The following ASTN2 variants were observed in gnomAD, a reference collection of about 807,000 sequenced individuals.
ASTN2 encodes the protein astrotactin-2.
In ASTN2, 54 loss-of-function variants were observed where a neutral mutation model predicts 139.8. The observed-to-expected ratio is 0.39, with a 90% CI of 0.31 to 0.48. The LOEUF (loss-of-function observed/expected upper bound fraction) is 0.48, where lower values mean the gene tolerates loss of function less well. ASTN2 is among the 20% of genes least tolerant of loss of function. ASTN2 has a pLI of 0.95. For synonymous variants in ASTN2, 756 were observed against 719.5 expected (o/e 1.05, Z -0.81); for missense variants, 1,565 against 1,725.1 (o/e 0.91, Z 1.64).
chr9:116,620,691 T>C (rs1201725716), intron 17 of ASTN2, among the ~76,000 whole-genome samples: 3 of 152,194 alleles, frequency 2.0e-5, no homozygotes, highest in Admixed American at 2.0e-4. Flanking sequence ...TAGTGTCCCC[T>C]AGGCTTGGCA....
intron 13 of ASTN2, among the ~76,000 whole-genome samples, chr9:116,797,090 G>C (rs976386251): frequency 3.3e-5 from 5 of 152,006 alleles, no homozygotes; most frequent in Admixed American, 1.3e-4. Context: ...CAAAATGCTG[G>C]GTGTTAAATG....
At chr9:116,743,834 A>T (rs1248757435) in intron 13 of ASTN2, among the ~76,000 whole-genome samples, 2 of 152,124 alleles carry the variant, frequency 1.3e-5, no homozygotes, top group Non-Finnish European at 2.9e-5. Context: ...TGGAATGAAA[A>T]CTTGAGAGAA....
At chr9:117,113,958 C>T (rs1011923820) in intron 4 of ASTN2, among the ~76,000 whole-genome samples, 7 of 152,028 alleles carry the variant, frequency 4.6e-5, no homozygotes, top group Admixed American at 6.6e-5. Flanking sequence ...CATTGAATTG[C>T]ATACTCTAAA....
At chr9:116,770,436 T>C (rs1364131430) in intron 13 of ASTN2, among the ~76,000 whole-genome samples, 1 of 152,160 alleles carries the variant, frequency 6.6e-6, no homozygotes, top group Non-Finnish European at 1.5e-5. Context: ...ATACAATATT[T>C]TTAATTCTTA....
intron 1 of ASTN2, among the ~76,000 whole-genome samples, chr9:117,348,528 G>A (rs1427048806): frequency 1.3e-5 from 2 of 152,092 alleles, no homozygotes; most frequent in Admixed American, 6.6e-5. Flanking sequence ...AAAGAGAAAT[G>A]GATCTATTTA....
intron 10 of ASTN2, among the ~76,000 whole-genome samples, chr9:116,970,596 T>C (rs1836164672): frequency 6.6e-6 from 1 of 152,218 alleles, no homozygotes; most frequent in Non-Finnish European, 1.5e-5. Context: ...TTTATATCTC[T>C]ATTACTTAGT....
chr9:116,631,519 T>C (rs1437758664), intron 17 of ASTN2, among the ~76,000 whole-genome samples: 1 of 152,086 alleles, frequency 6.6e-6, no homozygotes, highest in South Asian at 2.1e-4. Context: ...AAAAAGTGGA[T>C]CTCATGGAGG....
At chr9:116,678,415 A>G (rs1375482297) in intron 16 of ASTN2, among the ~76,000 whole-genome samples, 2 of 152,244 alleles carry the variant, frequency 1.3e-5, no homozygotes, top group Admixed American at 1.3e-4. Flanking sequence ...AAGAGTTAAC[A>G]TTGTAACATG....
At chr9:117,278,681 G>T (rs1447094186) in intron 2 of ASTN2, among the ~76,000 whole-genome samples, 1 of 151,834 alleles carries the variant, frequency 6.6e-6, no homozygotes, top group African/African-American at 2.4e-5. Context: ...AAGGAAGGAA[G>T]AAAAAACAAG....
At chr9:116,896,921 C>A (rs1833893534) in intron 10 of ASTN2, among the ~76,000 whole-genome samples, 2 of 152,110 alleles carry the variant, frequency 1.3e-5, no homozygotes, top group South Asian at 4.1e-4. Flanking sequence ...CAGAGCCAAA[C>A]CATATCAGTG....
chr9:117,053,454 GA>G (rs35859539), intron 5 of ASTN2, among the ~76,000 whole-genome samples: 26,315 of 150,884 alleles, frequency 0.17, 2,534 homozygotes, highest in African/African-American at 0.24. Context: ...CCTGTCTCTT[GA>G]AAAAAAAACT....
At chr9:117,243,761 T>A (rs528248036) in intron 2 of ASTN2, among the ~76,000 whole-genome samples, 18 of 152,142 alleles carry the variant, frequency 1.2e-4, no homozygotes, top group Non-Finnish European at 2.2e-4. Flanking sequence ...CTCCCCATGA[T>A]GTACAGGGCA....
In ASTN2 at chr9:116,533,391, C is replaced by T. The variant is rs56026774; in HGVS notation, c.3356-45891G>A. Among the ~76,000 whole-genome samples the T allele has an allele frequency of 6.6e-5, 10 of 152,150 alleles. No homozygotes were observed. The South Asian group carries it at 1.9e-3, about 28-fold the overall frequency. ...TGATTGCCCTGGCCAGAACTCCCAA[C>T]GCTATGTTGAATAGGAGTGGTGAGA... is the stretch of plus-strand genomic sequence containing the variant. On this transcript the variant is annotated intron_variant, in intron 19 of 22. Transcript: ENST00000313400.
At chr9:117,080,091 C>T (rs1271232705) in intron 5 of ASTN2, among the ~76,000 whole-genome samples, 1 of 152,210 alleles carries the variant, frequency 6.6e-6, no homozygotes, top group Non-Finnish European at 1.5e-5. Context: ...GCACATTAAA[C>T]TACCTCCAGC....
At chr9:117,330,126 G>A (rs576696205) in intron 1 of ASTN2, among the ~76,000 whole-genome samples, 1 of 152,244 alleles carries the variant, frequency 6.6e-6, no homozygotes, top group Admixed American at 6.5e-5. Flanking sequence ...TCCTTAATAA[G>A]GGAAGCTGAT....
At chr9:117,230,970 T>G (rs1407370174) in intron 2 of ASTN2, among the ~76,000 whole-genome samples, 4 of 152,192 alleles carry the variant, frequency 2.6e-5, no homozygotes, top group African/African-American at 9.7e-5. Flanking sequence ...ACTTGCCTGG[T>G]CATAAATAAC....
rs115849637 is a variant in ASTN2, at chr9:116,726,602, G to A, written c.2627-652C>T. 2.5e-3 allele frequency among the ~76,000 whole-genome samples: 378 copies of A among 152,216 alleles called. 3 individuals carry two copies. The highest frequency in any genetic ancestry group is 8.7e-3 in the African/African-American group (361 of 41,540). The stretch of plus-strand genomic sequence containing the variant: ...AATCTGATTCCTGGTTTAGCTTCCT[G>A]TAGCATTGCTTTTCTTTATATCTCT... On this transcript the variant is annotated intron_variant, in intron 15 of 22. Transcript: ENST00000313400.
Position 116,423,491 on chromosome 9 carries a change from C to T in ASTN2, c.*2360G>A, listed in dbSNP as rs1281734116. 1.3e-5 allele frequency among the ~76,000 whole-genome samples: 2 copies of T among 152,178 alleles called. No individual in the cohort carries two copies. The highest frequency in any genetic ancestry group is 3.9e-4 in the East Asian group (2 of 5,190). On this transcript the variant is annotated 3_prime_UTR_variant, in exon 23 of 23. Coordinates refer to ENST00000313400, the MANE Select transcript of ASTN2 (RefSeq NM_001365068.1). ...GCAACTGTTGAGCTAAATTGTTCCTCGGGTTGGGTCAAGACAATGGAAAGC... is the reference window on the plus strand; with the variant it reads ...GCAACTGTTGAGCTAAATTGTTCCTTGGGTTGGGTCAAGACAATGGAAAGC...
chr9:116,830,546 C>A (rs1831777970), intron 11 of ASTN2, among the ~76,000 whole-genome samples: 1 of 152,032 alleles, frequency 6.6e-6, no homozygotes, highest in South Asian at 2.1e-4. Context: ...AATCCCAGCA[C>A]TTTGGGAGGT....
Sources: gnomAD v4.1 joint callset for allele counts (sites outside exome capture counted in the v4.1 genomes callset) on GRCh38, gnomAD v4.1.1 for gene constraint, MANE v1.5 for transcripts, NCBI Gene and HGNC (gene_info 2026-07-23, HGNC 2026-07-21) for gene names.